Variants in GALNT6 observed in about 807,000 individuals in gnomAD.
The protein encoded by GALNT6 is GalNAc transferase 6.
GALNT6 carries 51 observed loss-of-function variants against 65.9 expected under a neutral mutation model. That is an observed-to-expected ratio of 0.77 (90% CI 0.62 to 0.98). GALNT6 has a LOEUF of 0.98. Ranked by LOEUF, GALNT6 falls within the 50% of genes least tolerant of loss-of-function variation. The probability of loss-of-function intolerance (pLI) is 0.00; values close to 1 mark genes in which losing one functional copy is unlikely to be tolerated. For missense variants in GALNT6, 708 were observed against 803.3 expected (o/e 0.88, Z 1.43); for synonymous variants, 323 against 315.1 (o/e 1.02, Z -0.26).
chr12:51,364,454 A>C (rs1947029855), intron 5 of GALNT6, 99 bp from the exon 6 acceptor site: 1 of 796,850 alleles, frequency 1.3e-6, no homozygotes, highest in Admixed American at 2.4e-5. Context: ...GAGACAGTCC[A>C]CCTACTCCTG....
At position 51,386,434 on chromosome 12, in the gene GALNT6, A is replaced by G. The variant is rs188257025; in HGVS notation, c.-104+4416T>C. ...GGATACAAATGCTTTAAAGATGTGG[A>G]GACTGGAAGTCCCAGGCAGCCTTAG... On this transcript the variant is annotated intron_variant, in intron 2 of 11. Transcript: ENST00000356317. 5.9e-5 allele frequency among the ~76,000 whole-genome samples: 9 copies of G among 152,324 alleles called. No individual in the cohort carries two copies. The East Asian group carries it at 1.5e-3, about 26-fold the overall frequency.
At chr12:51,384,938 A>T (rs1947784429) in intron 2 of GALNT6, among the ~76,000 whole-genome samples, 1 of 152,202 alleles carries the variant, frequency 6.6e-6, no homozygotes, top group Admixed American at 6.5e-5. Flanking sequence ...AAAAGAAAAT[A>T]TCAAAGTGCA....
At chr12:51,374,662 G>A (rs754210655) in intron 4 of GALNT6, among the ~76,000 whole-genome samples, 22 of 152,154 alleles carry the variant, frequency 1.4e-4, no homozygotes, top group Non-Finnish European at 2.6e-4. Flanking sequence ...CAATCTGGGA[G>A]AGCCCCAGAC....
At chr12:51,384,583 T>A (rs1947770184) in intron 2 of GALNT6, among the ~76,000 whole-genome samples, 1 of 149,062 alleles carries the variant, frequency 6.7e-6, no homozygotes, top group Non-Finnish European at 1.5e-5. Flanking sequence ...TCCCAACTAC[T>A]CAGGAGACAG....
At chr12:51,365,185 G>C (rs954499488) in intron 5 of GALNT6, among the ~76,000 whole-genome samples, 1 of 152,178 alleles carries the variant, frequency 6.6e-6, no homozygotes, top group African/African-American at 2.4e-5. Context: ...CGGGGCCCCG[G>C]TGATCACTGG....
intron 2 of GALNT6, among the ~76,000 whole-genome samples, chr12:51,388,987 C>T (rs1335404877): frequency 6.6e-6 from 1 of 152,190 alleles, no homozygotes; most frequent in African/African-American, 2.4e-5. Context: ...TTCTAACAGT[C>T]CTTCTCCTCC....
rs890305345 is a variant in GALNT6 at position 51,359,060 on chromosome 12, T to A, written c.1368+72A>T. The A allele has an allele frequency of 8.3e-6, 10 of 1,200,224 alleles. No homozygotes were observed. In the African/African-American group the frequency reaches 1.5e-4, roughly 18 times the overall value. 74.3% of individuals were successfully genotyped at this position (1,200,224 alleles called of 1,614,324 possible). The stretch of plus-strand genomic sequence containing the variant: ...TAGAGATGAGGTGGGTCCCAGCCAT[T>A]AGGCCCATGAACAGGGTCTGGGGGC... On this transcript the variant is annotated intron_variant, in intron 8 of 11. Coordinates refer to ENST00000356317, the MANE Select transcript of GALNT6 (RefSeq NM_007210.4).
At chr12:51,357,120 G>A (rs763100169) in intron 10 of GALNT6, among the ~76,000 whole-genome samples, 1 of 152,158 alleles carries the variant, frequency 6.6e-6, no homozygotes, top group Non-Finnish European at 1.5e-5. Context: ...CTCCTCTGAT[G>A]AACAACCCTC....
intron 4 of GALNT6, among the ~76,000 whole-genome samples, chr12:51,366,424 A>G (rs73309789): frequency 0.015 from 2,272 of 152,356 alleles, 69 homozygotes; most frequent in East Asian, 0.13. Flanking sequence ...GATCAGCAGC[A>G]GGACATCTGA....
intron 2 of GALNT6, among the ~76,000 whole-genome samples, chr12:51,382,843 T>C (rs1041681635): frequency 1.3e-5 from 2 of 152,020 alleles, no homozygotes; most frequent in East Asian, 3.9e-4. Context: ...GAAGACCCCC[T>C]TGGGTGATGG....
intron 2 of GALNT6, chr12:51,382,564 C>T (rs996910393): frequency 6.6e-6 from 1 of 152,592 alleles, no homozygotes; most frequent in South Asian, 2.1e-4. Flanking sequence ...TCTGGTATGG[C>T]AGGAGTAGCA....
At chr12:51,386,118 A>G (rs1947831983) in intron 2 of GALNT6, among the ~76,000 whole-genome samples, 1 of 152,262 alleles carries the variant, frequency 6.6e-6, no homozygotes. Context: ...CTTACAGGAT[A>G]TTCTGCCATT....
intron 2 of GALNT6, among the ~76,000 whole-genome samples, chr12:51,381,595 A>G (rs1947673554): frequency 6.6e-6 from 1 of 152,232 alleles, no homozygotes; most frequent in Non-Finnish European, 1.5e-5. Flanking sequence ...GTCTCTGCAC[A>G]TGGTAAGTTC....
At chr12:51,363,795 C>T (rs1946999929) in intron 6 of GALNT6, among the ~76,000 whole-genome samples, 1 of 152,132 alleles carries the variant, frequency 6.6e-6, no homozygotes, top group African/African-American at 2.4e-5. Context: ...AATGTATAGC[C>T]CTTAGTTCAG....
chr12:51,369,261 G>T (rs1947212118), intron 4 of GALNT6, among the ~76,000 whole-genome samples: 1 of 152,194 alleles, frequency 6.6e-6, no homozygotes, highest in Admixed American at 6.5e-5. Context: ...GTCTGGTGAG[G>T]CCAGACCCAG....
Position 51,367,328 on chromosome 12 carries a change from G to A in GALNT6, c.665-1749C>T, listed in dbSNP as rs538917758. On this transcript the variant is annotated intron_variant, in intron 4 of 11. Transcript: ENST00000356317. Reference sequence around the variant, plus strand: ...CGCACACCTGTAAACCCAGCTACTCGGGAGGCTGAGGCAGGAGAACTGCTT... The same window carrying A: ...CGCACACCTGTAAACCCAGCTACTCAGGAGGCTGAGGCAGGAGAACTGCTT... Among the ~76,000 whole-genome samples, 619 of 152,208 alleles carry A rather than the reference G, an allele frequency of 4.1e-3. 9 individuals are homozygous for A. Among genetic ancestry groups the A allele is most frequent in the African/African-American group, 0.014 (574 of 41,536 alleles).
intron 4 of GALNT6, among the ~76,000 whole-genome samples, chr12:51,375,038 G>A (rs1194848738): frequency 4.6e-5 from 7 of 151,936 alleles, no homozygotes; most frequent in Non-Finnish European, 8.8e-5. Flanking sequence ...CGTCATGCCA[G>A]GCTAATTTTT....
chr12:51,358,187 C>A lies in GALNT6; in HGVS notation c.1443G>T (p.Leu481=). Residue 481 remains leucine (L), a synonymous_variant, in exon 9 of 12, where the codon CTG becomes CTT. Coordinates refer to ENST00000356317, the MANE Select transcript of GALNT6 (RefSeq NM_007210.4). The stretch of plus-strand genomic sequence containing the variant: ...CAAACATCTCTGGGTAGACATTGTG[C>A]AGGTACCAGGAAAAGTTGTGACAGT... ...QLHCHNFSWY[L]HNVYPEMFVP... is the part of the protein sequence containing the mutation. The A allele has an allele frequency of 6.2e-7, 1 of 1,613,994 alleles. No individual in the cohort carries two copies. Among genetic ancestry groups the A allele is most frequent in the African/African-American group, 1.3e-5 (1 of 75,014 alleles).
intron 2 of GALNT6, among the ~76,000 whole-genome samples, chr12:51,386,084 G>A (rs908979259): frequency 6.6e-6 from 1 of 152,212 alleles, no homozygotes; most frequent in African/African-American, 2.4e-5. Flanking sequence ...TGTTCTGAAT[G>A]AACTTACTGC....
Sources: gnomAD v4.1 joint callset for allele counts (sites outside exome capture counted in the v4.1 genomes callset) on GRCh38, gnomAD v4.1.1 for gene constraint, MANE v1.5 for transcripts, NCBI Gene and HGNC (gene_info 2026-07-23, HGNC 2026-07-21) for gene names.